The following PPP1R14A variants were observed in gnomAD, a reference collection of about 807,000 sequenced individuals.
PPP1R14A encodes the protein protein phosphatase 1 regulatory inhibitor subunit 14A.
In PPP1R14A, 9 loss-of-function variants were observed where a neutral mutation model predicts 14.1. The ratio of observed to expected loss-of-function variants is 0.64; its 90% CI spans 0.38 to 1.11. The LOEUF is 1.11. Among genes scored for constraint, PPP1R14A ranks in the 50% most tolerant of loss-of-function variants. PPP1R14A has a pLI of 0.01. For synonymous variants in PPP1R14A, 93 were observed against 88.7 expected (o/e 1.05, Z -0.27); for missense variants, 208 against 200.7 (o/e 1.04, Z -0.22).
intron 3 of PPP1R14A, among the ~76,000 whole-genome samples, 200 bp from the exon 4 acceptor site, chr19:38,251,646 T>G (rs1424156292): frequency 1.4e-5 from 2 of 144,184 alleles, no homozygotes; most frequent in Admixed American, 6.9e-5. Flanking sequence ...ATGGGAGGGA[T>G]GGAGAGAAAG....
At chr19:38,253,348 A>G (rs959680006) in intron 1 of PPP1R14A, 1 of 200,694 alleles carries the variant, frequency 5.0e-6, no homozygotes, top group Non-Finnish European at 1.0e-5. Flanking sequence ...TTCAAGGAAA[A>G]GTCTTAGCAC....
intron 1 of PPP1R14A, 61 bp from the exon 2 acceptor site, chr19:38,253,035 A>G (rs368530962): frequency 1.5e-6 from 2 of 1,356,808 alleles, no homozygotes; most frequent in African/African-American, 2.9e-5. Flanking sequence ...GCCTTTGTCC[A>G]GGGCTCTGCA....
chr19:38,255,722 C>T (rs1364412434), intron 1 of PPP1R14A, among the ~76,000 whole-genome samples: 1 of 150,880 alleles, frequency 6.6e-6, no homozygotes, highest in African/African-American at 2.4e-5. Context: ...CTGTGCACAT[C>T]TGTGTCTGCT....
chr19:38,251,981 T>G, intron 3 of PPP1R14A: 1 of 424,578 alleles, frequency 2.4e-6, no homozygotes, highest in South Asian at 4.0e-5. Flanking sequence ...GAGCCCGGGG[T>G]GGCGGAGGCA....
chr19:38,256,365 C>G lies in PPP1R14A; in HGVS notation c.-26G>C, dbSNP rs1356189910. 1 of 1,396,390 alleles carries G rather than the reference C, an allele frequency of 7.2e-7. No individual in the cohort carries two copies. The highest frequency in any genetic ancestry group is 9.2e-7 in the Non-Finnish European group (1 of 1,082,690). The allele number at this position is 1,396,390 out of a possible 1,614,324, so 86.5% of individuals were successfully genotyped here. A position where few individuals can be genotyped will look rare whatever the true frequency, so the allele number is the denominator to read the frequency against. On this transcript the variant is annotated 5_prime_UTR_variant, in exon 1 of 4. Coordinates refer to ENST00000301242, the MANE Select transcript of PPP1R14A (RefSeq NM_033256.3). The surrounding 1 kb of genome is among the most constrained non-coding windows in gnomAD (Gnocchi z 5.7). The stretch of plus-strand genomic sequence containing the variant: ...CGCGCTGCTGGACCCAGCCTGGCCC[C>G]GCGCTGTGCGCCTTCGCCTCGCGCC...
intron 3 of PPP1R14A, among the ~76,000 whole-genome samples, 185 bp from the exon 4 acceptor site, chr19:38,251,631 G>A (rs1968191513): frequency 6.6e-6 from 1 of 152,064 alleles, no homozygotes; most frequent in African/African-American, 2.4e-5. Flanking sequence ...GATGGGGAAA[G>A]GGCGATGGGA....
intron 1 of PPP1R14A, among the ~76,000 whole-genome samples, chr19:38,254,430 A>T (rs1968224234): frequency 6.6e-6 from 1 of 151,446 alleles, no homozygotes; most frequent in Non-Finnish European, 1.5e-5. Context: ...TCAGCCTCCC[A>T]AGTAGCTGGG....
rs1968203146 is a variant in PPP1R14A, at chr19:38,252,694, C to T, written c.282+200G>A. Among the ~76,000 whole-genome samples, 1 of 152,160 alleles carries T rather than the reference C, an allele frequency of 6.6e-6. No individual in the cohort carries two copies. Among genetic ancestry groups the T allele is most frequent in the Non-Finnish European group, 1.5e-5 (1 of 68,024 alleles). ...GGCAAGGGATTCAACCTCTCTGGGC[C>T]TCATTTTCCTCATGGGGAAAATGGA... On this transcript the variant is annotated intron_variant, in intron 2 of 3. Transcript: ENST00000301242. The surrounding 1 kb of genome is among the most constrained non-coding windows in gnomAD (Gnocchi z 4.1).
chr19:38,253,139 TG>T (rs1454806421), intron 1 of PPP1R14A, 165 bp from the exon 2 acceptor site: 28 of 560,328 alleles, frequency 5.0e-5, no homozygotes, highest in Non-Finnish European at 6.7e-5. Flanking sequence ...ATCTGGGTGT[TG>T]GGGGGGAGGG....
chr19:38,253,701 T>C (rs550040750), intron 1 of PPP1R14A, among the ~76,000 whole-genome samples: 93 of 152,258 alleles, frequency 6.1e-4, no homozygotes, highest in Non-Finnish European at 1.1e-3. Context: ...ATGAATCCTT[T>C]CCTCCCCAAC....
Position 38,252,108 on chromosome 19 carries a change from G to C in PPP1R14A, c.315+198C>G. ...ACAGAATGGAGCCCCCTCAGCAGAT[G>C]GGGGAGAGAGGGAGAGAGACAAGTA... On this transcript the variant is annotated intron_variant, in intron 3 of 3. Coordinates refer to ENST00000301242, the MANE Select transcript of PPP1R14A (RefSeq NM_033256.3). This position sits in a 1 kb window ranked among gnomAD's most constrained non-coding sequence, Gnocchi z 4.1. 1 of 611,002 alleles carries C rather than the reference G, an allele frequency of 1.6e-6. No individual in the cohort carries two copies. The highest frequency in any genetic ancestry group is 2.9e-6 in the Non-Finnish European group (1 of 344,038). The allele number at this position is 611,002 out of a possible 1,614,324, so 37.8% of individuals were successfully genotyped here.
At position 38,256,126 on chromosome 19, in the gene PPP1R14A, T is replaced by C. The variant is rs1387255148; in HGVS notation, c.201+13A>G. On this transcript the variant is annotated intron_variant, in intron 1 of 3. Coordinates refer to ENST00000301242, the MANE Select transcript of PPP1R14A (RefSeq NM_033256.3). The surrounding 1 kb of genome is among the most constrained non-coding windows in gnomAD (Gnocchi z 5.7). ...TCTGTCCCCGACCACCCCCGAGCCC[T>C]CCCCGGGCTCACCATGCCGCGGTAC... 1.3e-6 allele frequency: 2 copies of C among 1,535,590 alleles called. No homozygotes were observed. Among genetic ancestry groups the C allele is most frequent in the African/African-American group, 1.4e-5 (1 of 72,532 alleles).
At position 38,252,133 on chromosome 19, in the gene PPP1R14A, A is replaced by T; in HGVS notation, c.315+173T>A. ...GGGGGAGAGAGGGAGAGAGACAAGT[A>T]GGAGGACAAAAGACACCCCTGGAGA... On this transcript the variant is annotated intron_variant, in intron 3 of 3. Coordinates refer to ENST00000301242, the MANE Select transcript of PPP1R14A (RefSeq NM_033256.3). The surrounding 1 kb of genome is among the most constrained non-coding windows in gnomAD (Gnocchi z 4.1). The T allele has an allele frequency of 1.6e-6, 1 of 624,828 alleles. No individual in the cohort carries two copies. Among genetic ancestry groups the T allele is most frequent in the Admixed American group, 2.7e-5 (1 of 36,460 alleles). The allele number at this position is 624,828 out of a possible 1,614,324, so 38.7% of individuals were successfully genotyped here. A position where few individuals can be genotyped will look rare whatever the true frequency, so the allele number is the denominator to read the frequency against.
chr19:38,254,641 T>C lies in PPP1R14A; in HGVS notation c.201+1498A>G, dbSNP rs1207071490. On this transcript the variant is annotated intron_variant, in intron 1 of 3. Transcript: ENST00000301242. Reference sequence around the variant, plus strand: ...ACCTCTAAGGAAAAGAAAAAAGAAGTCACTGAAAGTGTGACTTCAAGCAGA... The same window carrying C: ...ACCTCTAAGGAAAAGAAAAAAGAAGCCACTGAAAGTGTGACTTCAAGCAGA... Among the ~76,000 whole-genome samples, 5 of 151,932 alleles carry C rather than the reference T, an allele frequency of 3.3e-5. No homozygotes were observed. In the East Asian group the frequency reaches 9.8e-4, roughly 30 times the overall value.
Position 38,256,117 on chromosome 19 carries a change from C to G in PPP1R14A, c.201+22G>C, listed in dbSNP as rs974997500. On this transcript the variant is annotated intron_variant, in intron 1 of 3. Transcript: ENST00000301242. The surrounding 1 kb of genome is among the most constrained non-coding windows in gnomAD (Gnocchi z 5.7). The stretch of plus-strand genomic sequence containing the variant: ...CGGGCTCTATCTGTCCCCGACCACC[C>G]CCGAGCCCTCCCCGGGCTCACCATG... 1 of 1,532,318 alleles carries G rather than the reference C, an allele frequency of 6.5e-7. No homozygotes were observed. Among genetic ancestry groups the G allele is most frequent in the African/African-American group, 1.4e-5 (1 of 72,620 alleles). The allele number at this position is 1,532,318 out of a possible 1,614,324, so 94.9% of individuals were successfully genotyped here. A position where few individuals can be genotyped will look rare whatever the true frequency, so the allele number is the denominator to read the frequency against.
In PPP1R14A at chr19:38,252,502, C is replaced by T. The variant is rs1215072804; in HGVS notation, c.283-164G>A. On this transcript the variant is annotated intron_variant, in intron 2 of 3. Coordinates refer to ENST00000301242, the MANE Select transcript of PPP1R14A (RefSeq NM_033256.3). The surrounding 1 kb of genome is among the most constrained non-coding windows in gnomAD (Gnocchi z 4.1). ...CAAGAGAGGAACAGAGCCCAAGGGGCATGTGGATCGACTCAGGGCAGGGGT... is the reference window on the plus strand; with the variant it reads ...CAAGAGAGGAACAGAGCCCAAGGGGTATGTGGATCGACTCAGGGCAGGGGT... 1.3e-5 allele frequency among the ~76,000 whole-genome samples: 2 copies of T among 152,098 alleles called. No individual in the cohort carries two copies. Among genetic ancestry groups the T allele is most frequent in the Non-Finnish European group, 2.9e-5 (2 of 68,036 alleles).
At position 38,251,350 on chromosome 19, in the gene PPP1R14A, G is replaced by A. The variant is rs566967876; in HGVS notation, c.412C>T (p.Leu138Phe). ...SPSHDGSLSP[L>F]QDRARTAHP ...TGAGCAGTCCGGGCCCGGTCCTGGA[G>A]GGGGCTGAGGCTGCCGTCGTGGGAG... The change falls in exon 4 of 4, where the codon CTC becomes TTC. Residue 138 changes from leucine (L) to phenylalanine (F), a missense_variant. By Grantham distance (22) the Leu-to-Phe change is conservative (BLOSUM62 0). Coordinates refer to ENST00000301242, the MANE Select transcript of PPP1R14A (RefSeq NM_033256.3). 68 of 1,543,680 alleles carry A rather than the reference G, an allele frequency of 4.4e-5. No individual in the cohort carries two copies. The Middle Eastern group carries it at 1.5e-3, about 35-fold the overall frequency.
chr19:38,251,486 CG>C (rs773404591), intron 3 of PPP1R14A, 40 bp from the exon 4 acceptor site: 1 of 1,498,020 alleles, frequency 6.7e-7, no homozygotes, highest in Non-Finnish European at 8.8e-7. Context: ...GGGAACAGTG[CG>C]GGGGCACCCT....
intron 1 of PPP1R14A, among the ~76,000 whole-genome samples, chr19:38,254,398 G>A (rs904032926): frequency 6.6e-6 from 1 of 152,012 alleles, no homozygotes; most frequent in Non-Finnish European, 1.5e-5. Context: ...TCCGCCTCCC[G>A]GGTTCAAGTG....
Sources: gnomAD v4.1 joint callset for allele counts (sites outside exome capture counted in the v4.1 genomes callset) on GRCh38, gnomAD v4.1.1 for gene constraint, Gnocchi (gnomAD v3.1) non-coding constraint, MANE v1.5 for transcripts, NCBI Gene and HGNC (gene_info 2026-07-23, HGNC 2026-07-21) for gene names.